The following TENM2 variants were observed in gnomAD, a reference collection of about 807,000 sequenced individuals.
TENM2 encodes teneurin-2.
Under a neutral mutation model 245.2 loss-of-function variants are expected in TENM2, and 52 were observed. The ratio of observed to expected loss-of-function variants is 0.21; its 90% CI spans 0.17 to 0.27. TENM2 has a LOEUF of 0.27. Ranked by LOEUF, TENM2 falls within the 10% of genes least tolerant of loss-of-function variation. The probability of loss-of-function intolerance (pLI) is 1.00; values close to 1 mark genes in which losing one functional copy is unlikely to be tolerated. For missense variants in TENM2, 3,046 were observed against 3,666.8 expected (o/e 0.83, Z 4.37); for synonymous variants, 1,363 against 1,438.9 (o/e 0.95, Z 1.19).
chr5:168,019,124 C>T (rs1785921444), intron 5 of TENM2, among the ~76,000 whole-genome samples: 1 of 152,084 alleles, frequency 6.6e-6, no homozygotes. Flanking sequence ...TGATTAAAGC[C>T]TGGGAAATCA....
At chr5:167,957,203 G>A (rs1780627593) in intron 4 of TENM2, among the ~76,000 whole-genome samples, 1 of 152,092 alleles carries the variant, frequency 6.6e-6, no homozygotes, top group South Asian at 2.1e-4. Flanking sequence ...TTAGTCTTGA[G>A]AGGGTGTATG....
chr5:167,447,321 G>A (rs1765289619), intron 2 of TENM2, among the ~76,000 whole-genome samples: 1 of 152,192 alleles, frequency 6.6e-6, no homozygotes, highest in African/African-American at 2.4e-5. Flanking sequence ...ATAAATAGTA[G>A]CTGTTTTAAA....
chr5:168,176,848 C>G (rs533680580), intron 13 of TENM2, among the ~76,000 whole-genome samples: 1 of 152,316 alleles, frequency 6.6e-6, no homozygotes, highest in African/African-American at 2.4e-5. Flanking sequence ...AACATGCATA[C>G]AGTGACACCC....
rs1037266737 is a variant in TENM2, at chr5:167,531,478, C to G, written c.502+156005C>G. ...AGTCTGACACGTCCATCACTTCACACTTATCTTTTTTTTTTTGCAACATTT... is the reference window on the plus strand; with the variant it reads ...AGTCTGACACGTCCATCACTTCACAGTTATCTTTTTTTTTTTGCAACATTT... On this transcript the variant is annotated intron_variant, in intron 2 of 28. Transcript: ENST00000518659. Among the ~76,000 whole-genome samples, 5 of 151,476 alleles carry G rather than the reference C, an allele frequency of 3.3e-5. 1 individual carries two copies. In the South Asian group the frequency reaches 6.2e-4, roughly 19 times the overall value.
intron 17 of TENM2, among the ~76,000 whole-genome samples, chr5:168,203,114 C>T (rs1403180343): frequency 2.6e-5 from 4 of 152,194 alleles, no homozygotes. Flanking sequence ...CCCATTGAAT[C>T]CCCATGTAAC....
the TENM2 span, among the ~76,000 whole-genome samples, chr5:167,033,593 C>T: frequency 6.6e-6 from 1 of 152,234 alleles, no homozygotes; most frequent in South Asian, 2.1e-4. Context: ...AATATGAGAG[C>T]CAGCTAGTCA....
intron 1 of TENM2, among the ~76,000 whole-genome samples, chr5:167,329,409 T>C (rs2127787245): frequency 6.9e-6 from 1 of 144,758 alleles, no homozygotes; most frequent in South Asian, 2.2e-4. Context: ...AAAAATAGCC[T>C]GGCGTGGTGG....
At chr5:167,506,450 A>G (rs577600005) in intron 2 of TENM2, among the ~76,000 whole-genome samples, 1 of 152,352 alleles carries the variant, frequency 6.6e-6, no homozygotes, top group Non-Finnish European at 1.5e-5. Flanking sequence ...GGAAAAAAAG[A>G]AATCAGAAAC....
At chr5:167,057,492 TG>T in the TENM2 span, among the ~76,000 whole-genome samples, 48 of 151,952 alleles carry the variant, frequency 3.2e-4, no homozygotes, top group Non-Finnish European at 5.7e-4. Flanking sequence ...AGGAGAGGGG[TG>T]TTTTATATTC....
intron 1 of TENM2, among the ~76,000 whole-genome samples, chr5:167,291,717 A>C (rs1754649505): frequency 6.6e-6 from 1 of 152,134 alleles, no homozygotes; most frequent in Non-Finnish European, 1.5e-5. Flanking sequence ...TGCCTCCTAA[A>C]CCTGATGGAA....
the TENM2 span, among the ~76,000 whole-genome samples, chr5:167,205,212 C>T: frequency 6.6e-6 from 1 of 152,062 alleles, no homozygotes; most frequent in Admixed American, 6.5e-5. Context: ...AAAACTCCAT[C>T]TCTAATAAAA....
At chr5:167,503,880 T>C (rs777625630) in intron 2 of TENM2, among the ~76,000 whole-genome samples, 9 of 152,002 alleles carry the variant, frequency 5.9e-5, no homozygotes, top group Non-Finnish European at 1.2e-4. Flanking sequence ...GGCGACAGAG[T>C]CTCACTCTGT....
At chr5:167,081,250 C>G in the TENM2 span, among the ~76,000 whole-genome samples, 4 of 151,806 alleles carry the variant, frequency 2.6e-5, no homozygotes, top group Non-Finnish European at 4.4e-5. Flanking sequence ...TATTTATGAT[C>G]ATAAATACCA....
intron 5 of TENM2, among the ~76,000 whole-genome samples, chr5:168,017,884 GC>G (rs1406442729): frequency 2.0e-5 from 3 of 151,984 alleles, no homozygotes; most frequent in Non-Finnish European, 2.9e-5. Flanking sequence ...GACTCTTCAG[GC>G]CCCCCTTCTC....
chr5:167,290,291 A>G (rs189241473), intron 1 of TENM2, among the ~76,000 whole-genome samples: 5 of 152,346 alleles, frequency 3.3e-5, no homozygotes, highest in Admixed American at 2.6e-4. Context: ...GATCTTGATC[A>G]AATTCTAGAA....
At chr5:168,110,988 C>T (rs191082721) in intron 9 of TENM2, among the ~76,000 whole-genome samples, 1 of 152,296 alleles carries the variant, frequency 6.6e-6, no homozygotes, top group East Asian at 1.9e-4. Flanking sequence ...CATCTGTGCA[C>T]TTTTAATTTA....
the TENM2 span, among the ~76,000 whole-genome samples, chr5:167,207,228 C>T: frequency 6.6e-6 from 1 of 152,132 alleles, no homozygotes; most frequent in African/African-American, 2.4e-5. Context: ...GGAACCTTTG[C>T]CTTGAAACAC....
intron 2 of TENM2, among the ~76,000 whole-genome samples, chr5:167,504,168 T>C (rs1769393879): frequency 1.3e-5 from 2 of 152,212 alleles, no homozygotes; most frequent in Non-Finnish European, 2.9e-5. Context: ...TGAAAATTGT[T>C]AAAGTGCCAA....
At chr5:168,200,213 T>G in intron 17 of TENM2, 82 bp downstream of exon 19, 12 of 1,275,042 alleles carry the variant, frequency 9.4e-6, no homozygotes, top group South Asian at 1.5e-5. Context: ...GTTCCGAGGA[T>G]ATGCCAAGCA....
Sources: gnomAD v4.1 joint callset for allele counts (sites outside exome capture counted in the v4.1 genomes callset) on GRCh38, gnomAD v4.1.1 for gene constraint, MANE v1.5 for transcripts, NCBI Gene and HGNC (gene_info 2026-07-23, HGNC 2026-07-21) for gene names.